ACLY: variants seen among roughly 807,000 people sequenced by gnomAD.
ACLY encodes the protein ATP-citrate synthase.
ACLY carries 41 observed loss-of-function variants against 133.0 expected under a neutral mutation model. That is an observed-to-expected ratio of 0.31 (90% CI 0.24 to 0.40). ACLY has a LOEUF of 0.40. Ranked by LOEUF, ACLY falls within the 10% of genes least tolerant of loss-of-function variation. The pLI, the probability that ACLY is intolerant of heterozygous loss-of-function variation, is 1.00. For synonymous variants in ACLY, 495 were observed against 549.3 expected, an observed-to-expected ratio of 0.90 and a Z score of 1.38; for missense variants, 1,046 against 1,453.8, an observed-to-expected ratio of 0.72 and a Z score of 4.56.
At position 41,903,979 on chromosome 17, in the gene ACLY, C is replaced by T. The variant is rs1192467918; in HGVS notation, c.1065+750G>A. Among the ~76,000 whole-genome samples the T allele has an allele frequency of 5.3e-5, 8 of 150,984 alleles. No homozygotes were observed. In the East Asian group the frequency reaches 1.2e-3, roughly 22 times the overall value. On this transcript the variant is annotated intron_variant, in intron 10 of 28. Transcript: ENST00000352035. ...TACAAATACAAAAATTAGCCGGGCA[C>T]GGTGGTGGGTGTCTGTAATCCCAGG...
At chr17:41,910,193 G>A (rs368086218) in intron 4 of ACLY, 29 bp downstream of exon 4, 18 of 1,607,378 alleles carry the variant, frequency 1.1e-5, no homozygotes, top group Non-Finnish European at 1.4e-5. Flanking sequence ...GGAGGGAGAA[G>A]ACCCAGCCTG....
In ACLY at chr17:41,884,381, A is replaced by G. The variant is rs1463628185; in HGVS notation, c.2073-107T>C. 5 of 744,310 alleles carry G rather than the reference A, an allele frequency of 6.7e-6. No individual in the cohort carries two copies. In the African/African-American group the frequency reaches 8.6e-5, roughly 13 times the overall value. 46.1% of individuals were successfully genotyped at this position (744,310 alleles called of 1,614,324 possible). ...ACTGGGTACACTGGATTTTGGGGGG[A>G]TGTGGATGGCCAGTAAGGGTCCAGA... On this transcript the variant is annotated intron_variant, in intron 18 of 28. Transcript: ENST00000352035.
intron 9 of ACLY, 73 bp from the exon 10 acceptor site, chr17:41,904,863 G>T: frequency 6.9e-7 from 1 of 1,450,506 alleles, no homozygotes; most frequent in Non-Finnish European, 9.6e-7. Context: ...CAATCCAACT[G>T]AGGAAGTTCT....
At chr17:41,895,885 C>T (rs2049351691) in intron 14 of ACLY, among the ~76,000 whole-genome samples, 1 of 152,230 alleles carries the variant, frequency 6.6e-6, no homozygotes, top group Admixed American at 6.5e-5. Flanking sequence ...TAAATGGACG[C>T]TCTGATGCCA....
intron 20 of ACLY, among the ~76,000 whole-genome samples, chr17:41,879,795 T>C (rs2048868237): frequency 6.7e-6 from 1 of 150,322 alleles, no homozygotes; most frequent in African/African-American, 2.4e-5. Flanking sequence ...CTTGGCTCAC[T>C]GCAGCCTCAA....
intron 4 of ACLY, among the ~76,000 whole-genome samples, 180 bp downstream of exon 4, chr17:41,910,042 A>G (rs1555633396): frequency 6.6e-6 from 1 of 152,072 alleles, no homozygotes; most frequent in Non-Finnish European, 1.5e-5. Context: ...CTGTAGACCA[A>G]GCCCTTTCCT....
At position 41,872,028 on chromosome 17, in the gene ACLY, T is replaced by TGC; in HGVS notation, c.2793+3_2793+4insGC. On this transcript the variant is annotated splice_donor_region_variant and intron_variant, in intron 24 of 28. Coordinates refer to ENST00000352035, the MANE Select transcript of ACLY (RefSeq NM_001096.3). ...TGTTCACCTCCCATGATGACAGTACTTACGATGGTGAGCAGCCCCGAGGTG... is the reference window on the plus strand; with the variant it reads ...TGTTCACCTCCCATGATGACAGTACTGCTACGATGGTGAGCAGCCCCGAGGTG... 6.2e-7 allele frequency: 1 copy of TGC among 1,613,990 alleles called. No homozygotes were observed. Among genetic ancestry groups the TGC allele is most frequent in the Non-Finnish European group, 8.5e-7 (1 of 1,179,934 alleles).
chr17:41,896,521 C>A, intron 14 of ACLY, 99 bp downstream of exon 14: 1 of 1,163,022 alleles, frequency 8.6e-7, no homozygotes, highest in South Asian at 1.6e-5. Context: ...CCAGACGACA[C>A]TGCAACCCAC....
At chr17:41,873,743 C>A in intron 23 of ACLY, 68 bp downstream of exon 23, 10 of 1,470,440 alleles carry the variant, frequency 6.8e-6, no homozygotes, top group Non-Finnish European at 8.1e-6. Flanking sequence ...CACTCCCACC[C>A]CTTTGTTGGG....
intron 10 of ACLY, among the ~76,000 whole-genome samples, chr17:41,902,182 A>T (rs140371854): frequency 7.9e-4 from 121 of 152,346 alleles, no homozygotes; most frequent in African/African-American, 2.8e-3. Flanking sequence ...GACATAGTCA[A>T]TGTCCTACAA....
At chr17:41,888,437 G>A (rs2049111474) in intron 16 of ACLY, among the ~76,000 whole-genome samples, 1 of 152,196 alleles carries the variant, frequency 6.6e-6, no homozygotes, top group African/African-American at 2.4e-5. Flanking sequence ...TCCGAGTCTT[G>A]TCACCATCCC....
intron 28 of ACLY, 73 bp downstream of exon 28, chr17:41,868,636 C>G (rs117855511): frequency 0.015 from 15,283 of 1,017,108 alleles, 197 homozygotes; most frequent in Non-Finnish European, 0.018. Context: ...GAAACTCAAC[C>G]CCATGAGTAA....
upstream of ACLY, among the ~76,000 whole-genome samples, chr17:41,923,818 T>C (rs1402327779): frequency 6.6e-6 from 1 of 152,154 alleles, no homozygotes; most frequent in Non-Finnish European, 1.5e-5. Flanking sequence ...GTTTGTTTGT[T>C]TGTTTGTTTT....
upstream of ACLY, among the ~76,000 whole-genome samples, chr17:41,921,502 A>G (rs2050182656): frequency 6.7e-6 from 1 of 150,182 alleles, no homozygotes; most frequent in Admixed American, 6.6e-5. Context: ...AAAACAAAAA[A>G]GAAAAAAAGG....
chr17:41,895,749 G>C (rs2049346918), intron 14 of ACLY, among the ~76,000 whole-genome samples: 1 of 152,194 alleles, frequency 6.6e-6, no homozygotes, highest in South Asian at 2.1e-4. Context: ...ATTAAAGCCA[G>C]GTGGCCACAG....
intron 1 of ACLY, among the ~76,000 whole-genome samples, chr17:41,918,482 C>A (rs2050115395): frequency 6.6e-6 from 1 of 152,230 alleles, no homozygotes; most frequent in South Asian, 2.1e-4. Flanking sequence ...ACTTCCCGTC[C>A]CGGCATCCGA....
rs2049753909 is a variant in ACLY, at chr17:41,907,445, T to C, written c.744A>G (p.Pro248=). 1 of 1,610,966 alleles carries C rather than the reference T, an allele frequency of 6.2e-7. No individual in the cohort carries two copies. The highest frequency in any genetic ancestry group is 8.5e-7 in the Non-Finnish European group (1 of 1,177,994). The change falls in exon 7 of 29, where the codon CCA becomes CCG. Residue 248 remains proline, a synonymous_variant. Coordinates refer to ENST00000352035, the MANE Select transcript of ACLY (RefSeq NM_001096.3). The part of the protein sequence containing the change: ...FPPPFGREAY[P]EEAYIADLDA... The stretch of plus-strand genomic sequence containing the variant: ...CTCCTCTCTAAACCAGCCTTACCTC[T>C]GGATATGCCTCCCGCCCGAAGGGGG...
At chr17:41,872,240 C>T (rs1555625276) in intron 23 of ACLY, 58 bp from the exon 24 acceptor site, 5 of 1,530,434 alleles carry the variant, frequency 3.3e-6, no homozygotes, top group Non-Finnish European at 3.6e-6. Context: ...TCGTACTTTC[C>T]CCCATCTCCC....
chr17:41,874,762 A>T (rs1355977010), intron 22 of ACLY, among the ~76,000 whole-genome samples: 1 of 150,620 alleles, frequency 6.6e-6, no homozygotes, highest in Non-Finnish European at 1.5e-5. Flanking sequence ...TTTAGTAGAG[A>T]TGAGGTTTCA....
Sources: gnomAD v4.1 joint callset for allele counts (sites outside exome capture counted in the v4.1 genomes callset) on GRCh38, gnomAD v4.1.1 for gene constraint, MANE v1.5 for transcripts, NCBI Gene and HGNC (gene_info 2026-07-23, HGNC 2026-07-21) for gene names.